Variants in ARPC1A observed in about 807,000 individuals in gnomAD.
The protein encoded by ARPC1A is actin-related protein 2/3 complex subunit 1A.
Under a neutral mutation model 46.9 loss-of-function variants are expected in ARPC1A, and 8 were observed. That is an observed-to-expected ratio of 0.17 (90% CI 0.10 to 0.31). ARPC1A has a LOEUF of 0.31. Ranked by LOEUF, ARPC1A falls within the 10% of genes least tolerant of loss-of-function variation. The probability of loss-of-function intolerance (pLI) is 1.00; values close to 1 mark genes in which losing one functional copy is unlikely to be tolerated. For missense variants in ARPC1A, 286 were observed against 483.6 expected, an observed-to-expected ratio of 0.59 and a Z score of 3.83; for synonymous variants, 152 against 169.0, an observed-to-expected ratio of 0.90 and a Z score of 0.78.
intron 9 of ARPC1A, 41 bp downstream of exon 9, chr7:99,363,674 A>T: frequency 6.8e-7 from 1 of 1,473,372 alleles, no homozygotes; most frequent in Non-Finnish European, 9.2e-7. Context: ...TTGTGTTAAA[A>T]CTTTTTTTTT....
At chr7:99,350,631 C>CCT (rs1793530373) in intron 5 of ARPC1A, among the ~76,000 whole-genome samples, 3 of 67,566 alleles carry the variant, frequency 4.4e-5, no homozygotes, top group Non-Finnish European at 9.3e-5. Flanking sequence ...ATGAGGTGCA[C>CCT]TTTTTTTTTT....
At chr7:99,361,364 T>C (rs1311767281) in intron 8 of ARPC1A, among the ~76,000 whole-genome samples, 3 of 151,666 alleles carry the variant, frequency 2.0e-5, no homozygotes, top group Non-Finnish European at 4.4e-5. Flanking sequence ...GTTAGCTGGC[T>C]GTGTTGGCAC....
intron 1 of ARPC1A, among the ~76,000 whole-genome samples, chr7:99,332,777 AT>A (rs1229040123): frequency 2.0e-5 from 3 of 150,816 alleles, no homozygotes; most frequent in African/African-American, 7.3e-5. Context: ...AATTTTTTGT[AT>A]TTTTAGTAGA....
At position 99,351,318 on chromosome 7, in the gene ARPC1A, AT is replaced by A. The variant is rs1462673860; in HGVS notation, c.500+2361del. On this transcript the variant is annotated intron_variant, in intron 5 of 9. Coordinates refer to ENST00000262942, the MANE Select transcript of ARPC1A (RefSeq NM_006409.4). The stretch of plus-strand genomic sequence containing the variant: ...AACCTCTGCCTCCCAGGTTCAAGTG[AT>A]TCTCATGCCTCAGCCTCCCAAGCAG... Among the ~76,000 whole-genome samples the A allele has an allele frequency of 1.3e-4, 20 of 152,104 alleles. 1 individual carries two copies. Among genetic ancestry groups the A allele is most frequent in the African/African-American group, 4.6e-4 (19 of 41,486 alleles).
rs571833149 is a variant in ARPC1A at position 99,353,925 on chromosome 7, A to T, written c.517A>T (p.Ile173Phe). ...DFKCRVFSAY[I>F]KEVDEKPAST... Reference sequence around the variant, plus strand: ...TTTAAACAGAGTGTTTTCTGCCTACATTAAAGAAGTGGATGAAAAGCCAGC... The same window carrying T: ...TTTAAACAGAGTGTTTTCTGCCTACTTTAAAGAAGTGGATGAAAAGCCAGC... The change falls in exon 6 of 10, where the codon ATT becomes TTT. Residue 173 changes from isoleucine (I) to phenylalanine (F), a missense_variant. Ile to Phe is a conservative substitution (Grantham distance 21). Coordinates refer to ENST00000262942, the MANE Select transcript of ARPC1A (RefSeq NM_006409.4). 1.2e-5 allele frequency: 19 copies of T among 1,613,520 alleles called. No homozygotes were observed. The highest frequency in any genetic ancestry group is 1.5e-5 in the Non-Finnish European group (18 of 1,179,820).
intron 4 of ARPC1A, among the ~76,000 whole-genome samples, chr7:99,346,157 G>C (rs1388589897): frequency 6.6e-6 from 1 of 151,226 alleles, no homozygotes; most frequent in Non-Finnish European, 1.5e-5. Context: ...CAGAGGTTGC[G>C]GTGAGCCGAG....
intron 1 of ARPC1A, among the ~76,000 whole-genome samples, chr7:99,326,880 T>TAAA (rs1216582866): frequency 6.6e-6 from 1 of 152,202 alleles, no homozygotes; most frequent in Non-Finnish European, 1.5e-5. Flanking sequence ...GTCAGCCTTA[T>TAAA]TTATGTTTCT....
intron 1 of ARPC1A, among the ~76,000 whole-genome samples, chr7:99,332,669 T>C (rs1230681431): frequency 6.6e-6 from 1 of 151,480 alleles, no homozygotes; most frequent in Non-Finnish European, 1.5e-5. Flanking sequence ...AGTAGCGCGA[T>C]GTCGGCTCAC....
At chr7:99,359,400 C>T in intron 7 of ARPC1A, 145 bp from the exon 8 acceptor site, 1 of 784,292 alleles carries the variant, frequency 1.3e-6, no homozygotes, top group South Asian at 1.8e-5. Flanking sequence ...TGTGCCACTG[C>T]ACTCTAGCCA....
chr7:99,350,802 T>C (rs780881409), intron 5 of ARPC1A, among the ~76,000 whole-genome samples: 1 of 151,690 alleles, frequency 6.6e-6, no homozygotes, highest in Non-Finnish European at 1.5e-5. Context: ...TGAGCCACCA[T>C]GCCTGGCTGA....
At chr7:99,330,287 C>T (rs1424004568) in intron 1 of ARPC1A, among the ~76,000 whole-genome samples, 1 of 151,916 alleles carries the variant, frequency 6.6e-6, no homozygotes, top group East Asian at 1.9e-4. Context: ...GTTGCACTTA[C>T]CTTTGGGTTC....
intron 5 of ARPC1A, among the ~76,000 whole-genome samples, chr7:99,351,033 AAAAG>A (rs1793536286): frequency 6.6e-6 from 1 of 152,020 alleles, no homozygotes; most frequent in Non-Finnish European, 1.5e-5. Context: ...GCTTAAAAAA[AAAAG>A]AGAGAGAGAT....
intron 1 of ARPC1A, among the ~76,000 whole-genome samples, chr7:99,330,895 T>G (rs1562795325): frequency 6.6e-6 from 1 of 152,192 alleles, no homozygotes; most frequent in Admixed American, 6.6e-5. Context: ...AATGTTCCCA[T>G]TTCAGTTAAT....
chr7:99,362,740 G>A (rs899070866), intron 8 of ARPC1A, among the ~76,000 whole-genome samples: 8 of 151,938 alleles, frequency 5.3e-5, no homozygotes, highest in African/African-American at 1.7e-4. Context: ...GGGAAGAGGC[G>A]GGTAAGTTCT....
intron 8 of ARPC1A, among the ~76,000 whole-genome samples, chr7:99,360,638 T>C (rs1481392213): frequency 6.6e-6 from 1 of 152,100 alleles, no homozygotes; most frequent in Non-Finnish European, 1.5e-5. Context: ...GAAAGTTTGA[T>C]TTTTAAGGTC....
intron 2 of ARPC1A, 140 bp downstream of exon 2, chr7:99,333,557 G>A: frequency 1.4e-6 from 1 of 735,508 alleles, no homozygotes; most frequent in East Asian, 2.9e-5. Flanking sequence ...AGGGAACTAA[G>A]TCAGTCCTTT....
rs56733844 is a variant in ARPC1A at position 99,353,457 on chromosome 7, CTTAT to C, written c.501-418_501-415del. ...ACAGGCATGAGCCACCGCACCCAGC[CTTAT>C]TTATTTATTTATTTATTTATTTATT... On this transcript the variant is annotated intron_variant, in intron 5 of 9. Coordinates refer to ENST00000262942, the MANE Select transcript of ARPC1A (RefSeq NM_006409.4). Among the ~76,000 whole-genome samples, 778 of 139,468 alleles carry C rather than the reference CTTAT, an allele frequency of 5.6e-3. 8 individuals are homozygous for C. Among genetic ancestry groups the C allele is most frequent in the African/African-American group, 0.019 (676 of 35,866 alleles). 91.5% of individuals were successfully genotyped at this position (139,468 alleles called of 152,430 possible). A position where few individuals can be genotyped will look rare whatever the true frequency, so the allele number is the denominator to read the frequency against.
intron 7 of ARPC1A, 68 bp downstream of exon 7, chr7:99,358,483 G>T (rs531230355): frequency 3.6e-6 from 5 of 1,370,656 alleles, no homozygotes; most frequent in South Asian, 3.5e-5. Flanking sequence ...AACAATGTGT[G>T]CTCTGTCACC....
At chr7:99,343,908 G>A (rs1406272384) in intron 3 of ARPC1A, among the ~76,000 whole-genome samples, 1 of 152,168 alleles carries the variant, frequency 6.6e-6, no homozygotes, top group Non-Finnish European at 1.5e-5. Context: ...AGAATGAGGT[G>A]TGTTAATGAA....
Sources: gnomAD v4.1 joint callset for allele counts (sites outside exome capture counted in the v4.1 genomes callset) on GRCh38, gnomAD v4.1.1 for gene constraint, MANE v1.5 for transcripts, NCBI Gene and HGNC (gene_info 2026-07-23, HGNC 2026-07-21) for gene names.